Variants in MTDH observed in about 807,000 individuals in gnomAD.
The protein encoded by MTDH is protein LYRIC.
A neutral mutation model predicts 72.7 loss-of-function variants in MTDH; 34 were observed. That is an observed-to-expected ratio of 0.47 (90% CI 0.36 to 0.62). MTDH has a LOEUF of 0.62. Ranked by LOEUF, MTDH falls within the 20% of genes least tolerant of loss-of-function variation. The pLI, the probability that MTDH is intolerant of heterozygous loss-of-function variation, is 0.00. For synonymous variants in MTDH, 266 were observed against 268.9 expected, an observed-to-expected ratio of 0.99 and a Z score of 0.10; for missense variants, 677 against 699.4, an observed-to-expected ratio of 0.97 and a Z score of 0.36.
At chr8:97,694,454 C>T (rs1813744180) in intron 6 of MTDH, among the ~76,000 whole-genome samples, 2 of 152,144 alleles carry the variant, frequency 1.3e-5, no homozygotes, top group Non-Finnish European at 1.5e-5. Context: ...GCCTTAGCCT[C>T]CCAAAGTACT....
In MTDH at chr8:97,724,974, G is replaced by A. The variant is rs1563575673; in HGVS notation, c.*304G>A. The A allele has an allele frequency of 5.3e-6, 1 of 188,204 alleles. No homozygotes were observed. Among genetic ancestry groups the A allele is most frequent in the Non-Finnish European group, 1.1e-5 (1 of 91,076 alleles). The allele number at this position is 188,204 out of a possible 1,614,324, so 11.7% of individuals were successfully genotyped here. On this transcript the variant is annotated 3_prime_UTR_variant, in exon 12 of 12. Transcript: ENST00000336273. ...CAGTGCCCTGTTTACAACAGATTGTGCCCTATCTCATCTGCAGCCGAGGAA... is the reference window on the plus strand; with the variant it reads ...CAGTGCCCTGTTTACAACAGATTGTACCCTATCTCATCTGCAGCCGAGGAA...
At chr8:97,653,089 A>T (rs1430843801) in intron 1 of MTDH, among the ~76,000 whole-genome samples, 2 of 151,912 alleles carry the variant, frequency 1.3e-5, no homozygotes, top group Non-Finnish European at 2.9e-5. Flanking sequence ...ACTGTACTCT[A>T]GCCTGGCGAC....
In MTDH at chr8:97,730,253, AACC is replaced by A; in HGVS notation, c.*5588_*5590del. Among the ~76,000 whole-genome samples the A allele has an allele frequency of 6.6e-6, 1 of 152,318 alleles. No individual in the cohort carries two copies. Among genetic ancestry groups the A allele is most frequent in the South Asian group, 2.1e-4 (1 of 4,820 alleles). On this transcript the variant is annotated 3_prime_UTR_variant, in exon 12 of 12. Transcript: ENST00000336273. The stretch of plus-strand genomic sequence containing the variant: ...AGCATAATAAAATGAACACATCTGA[AACC>A]ACCATTCTGCTCAAGAAATATAACA...
At chr8:97,650,228 T>TTACA (rs1195554169) in intron 1 of MTDH, among the ~76,000 whole-genome samples, 1 of 152,146 alleles carries the variant, frequency 6.6e-6, no homozygotes, top group East Asian at 1.9e-4. Context: ...AGTGCTGGGA[T>TTACA]TACAGGCATG....
chr8:97,688,481 A>G (rs1813452798), intron 4 of MTDH, among the ~76,000 whole-genome samples: 1 of 152,114 alleles, frequency 6.6e-6, no homozygotes, highest in African/African-American at 2.4e-5. Context: ...TGTGCATGCC[A>G]TCCTTGCTAG....
Position 97,670,852 on chromosome 8 carries a change from G to A in MTDH, c.483+9679G>A, listed in dbSNP as rs561839229. On this transcript the variant is annotated intron_variant, in intron 2 of 11. Transcript: ENST00000336273. The stretch of plus-strand genomic sequence containing the variant: ...GGTCACTGCAACCTCCGCCACCTGG[G>A]TTCGAGTGATTCTCCTGCCTCAGCC... Among the ~76,000 whole-genome samples, 4 of 151,946 alleles carry A rather than the reference G, an allele frequency of 2.6e-5. No individual in the cohort carries two copies. The South Asian group carries it at 8.3e-4, about 32-fold the overall frequency.
At chr8:97,665,281 G>T (rs1186626989) in intron 2 of MTDH, among the ~76,000 whole-genome samples, 3 of 152,140 alleles carry the variant, frequency 2.0e-5, no homozygotes, top group Non-Finnish European at 4.4e-5. Flanking sequence ...TATATGACAA[G>T]ATCTTAGGTC....
chr8:97,698,094 G>T (rs1350655037), intron 6 of MTDH, among the ~76,000 whole-genome samples: 1 of 152,182 alleles, frequency 6.6e-6, no homozygotes, highest in Non-Finnish European at 1.5e-5. Context: ...AATGCTGCTG[G>T]TAAGATCATC....
At chr8:97,664,255 C>T (rs1563528282) in intron 2 of MTDH, among the ~76,000 whole-genome samples, 1 of 151,822 alleles carries the variant, frequency 6.6e-6, no homozygotes, top group African/African-American at 2.4e-5. Context: ...ACTCGGGAGA[C>T]TGAGGCAGGA....
intron 2 of MTDH, among the ~76,000 whole-genome samples, chr8:97,669,982 A>G (rs2468019): frequency 1.3e-5 from 2 of 150,400 alleles, no homozygotes; most frequent in African/African-American, 4.9e-5. Flanking sequence ...TGTAGCCTGG[A>G]TTTTTTTGCC....
intron 6 of MTDH, among the ~76,000 whole-genome samples, chr8:97,691,726 A>G (rs1370576937): frequency 6.6e-6 from 1 of 151,084 alleles, no homozygotes; most frequent in Non-Finnish European, 1.5e-5. Context: ...TGTGTGTATT[A>G]TAGAAAAGAA....
rs944665181 is a variant in MTDH, at chr8:97,645,006, G to A, written c.381+119G>A. On this transcript the variant is annotated intron_variant, in intron 1 of 11. Coordinates refer to ENST00000336273, the MANE Select transcript of MTDH (RefSeq NM_178812.4). Reference sequence around the variant, plus strand: ...AAGAGTGCTTAGTCGAAAGCCGAGAGGCAGCACTCCCAAGTGGAGGAGGAG... The same window carrying A: ...AAGAGTGCTTAGTCGAAAGCCGAGAAGCAGCACTCCCAAGTGGAGGAGGAG... 3 of 1,169,738 alleles carry A rather than the reference G, an allele frequency of 2.6e-6. No homozygotes were observed. The Admixed American group carries it at 1.1e-4, about 43-fold the overall frequency. 72.5% of individuals were successfully genotyped at this position (1,169,738 alleles called of 1,614,324 possible).
At chr8:97,660,458 A>T (rs954469718) in intron 1 of MTDH, among the ~76,000 whole-genome samples, 2 of 152,212 alleles carry the variant, frequency 1.3e-5, no homozygotes, top group African/African-American at 4.8e-5. Flanking sequence ...TAGTTGCAAC[A>T]AAGACATATG....
At chr8:97,711,422 C>T (rs1814629384) in intron 8 of MTDH, among the ~76,000 whole-genome samples, 1 of 151,692 alleles carries the variant, frequency 6.6e-6, no homozygotes. Flanking sequence ...CAAGGCTGTG[C>T]AGTGAGCCTT....
intron 2 of MTDH, among the ~76,000 whole-genome samples, chr8:97,664,980 G>A (rs1586215947): frequency 6.6e-6 from 1 of 152,162 alleles, no homozygotes; most frequent in South Asian, 2.1e-4. Flanking sequence ...AAGGCTGGTC[G>A]CGAACTCCTG....
At chr8:97,692,482 C>G (rs902796989) in intron 6 of MTDH, among the ~76,000 whole-genome samples, 4 of 151,930 alleles carry the variant, frequency 2.6e-5, no homozygotes, top group Admixed American at 2.0e-4. Flanking sequence ...AAGCAATTCT[C>G]TTGCCTCAGC....
intron 2 of MTDH, among the ~76,000 whole-genome samples, chr8:97,684,852 G>A (rs1352143624): frequency 6.6e-6 from 1 of 152,166 alleles, no homozygotes; most frequent in Non-Finnish European, 1.5e-5. Context: ...GATCACTTAA[G>A]GTCAGGAGTT....
intron 1 of MTDH, among the ~76,000 whole-genome samples, chr8:97,650,861 C>G (rs879869342): frequency 5.3e-5 from 8 of 152,172 alleles, no homozygotes; most frequent in Non-Finnish European, 1.2e-4. Context: ...TCCCGACTAC[C>G]TGGGACCACA....
chr8:97,685,507 T>C (rs971746783), intron 2 of MTDH, among the ~76,000 whole-genome samples: 2 of 152,178 alleles, frequency 1.3e-5, no homozygotes, highest in African/African-American at 4.8e-5. Flanking sequence ...TTTAAGATAG[T>C]GTGCAGTACT....
Sources: gnomAD v4.1 joint callset for allele counts (sites outside exome capture counted in the v4.1 genomes callset) on GRCh38, gnomAD v4.1.1 for gene constraint, MANE v1.5 for transcripts, NCBI Gene and HGNC (gene_info 2026-07-23, HGNC 2026-07-21) for gene names.